FMN2: variants seen among roughly 807,000 people sequenced by gnomAD.
FMN2 encodes formin-2.
A neutral mutation model predicts 142.3 loss-of-function variants in FMN2; 51 were observed. That is an observed-to-expected ratio of 0.36 (90% CI 0.29 to 0.45). The LOEUF is 0.45. Ranked by LOEUF, FMN2 falls within the 20% of genes least tolerant of loss-of-function variation. The probability of loss-of-function intolerance (pLI) is 1.00; values close to 1 mark genes in which losing one functional copy is unlikely to be tolerated. For synonymous variants in FMN2, 882 were observed against 869.8 expected (o/e 1.01, Z -0.25); for missense variants, 1,936 against 2,122.8 (o/e 0.91, Z 1.73).
chr1:240,474,390 A>G lies in FMN2; in HGVS notation c.*236A>G. The G allele has an allele frequency of 2.2e-6, 1 of 452,076 alleles. No homozygotes were observed. The highest frequency in any genetic ancestry group is 3.9e-6 in the Non-Finnish European group (1 of 257,528). The allele number at this position is 452,076 out of a possible 1,614,324, so 28.0% of individuals were successfully genotyped here. Reference sequence around the variant, plus strand: ...ACACCTTTTCTTTTTGTAAAAGTTTATGGTATTATACCGATAGACCAAAAC... The same window carrying G: ...ACACCTTTTCTTTTTGTAAAAGTTTGTGGTATTATACCGATAGACCAAAAC... On this transcript the variant is annotated 3_prime_UTR_variant, in exon 18 of 18. Transcript: ENST00000319653.
intron 7 of FMN2, among the ~76,000 whole-genome samples, chr1:240,291,078 T>C (rs1036959987): frequency 1.2e-4 from 19 of 152,140 alleles, no homozygotes; most frequent in African/African-American, 4.6e-4. Context: ...CCTCCCAGAG[T>C]GCTGGAATTA....
At chr1:240,461,597 T>G (rs1409233437) in intron 16 of FMN2, among the ~76,000 whole-genome samples, 1 of 152,212 alleles carries the variant, frequency 6.6e-6, no homozygotes, top group Non-Finnish European at 1.5e-5. Context: ...TCAAATCTAC[T>G]TTCCACTGTA....
intron 16 of FMN2, among the ~76,000 whole-genome samples, chr1:240,456,113 G>A (rs1444267548): frequency 6.6e-6 from 1 of 151,928 alleles, no homozygotes; most frequent in Non-Finnish European, 1.5e-5. Flanking sequence ...TCTCTAACAG[G>A]AATAATGGAG....
chr1:240,388,902 C>T (rs1009769708), intron 14 of FMN2, among the ~76,000 whole-genome samples: 2 of 149,638 alleles, frequency 1.3e-5, no homozygotes, highest in African/African-American at 4.9e-5. Flanking sequence ...CATTGCTGGG[C>T]GACAGTAGCA....
chr1:240,473,874 C>G lies in FMN2; in HGVS notation c.5143-254C>G, dbSNP rs903836404. On this transcript the variant is annotated intron_variant, in intron 17 of 17. Coordinates refer to ENST00000319653, the MANE Select transcript of FMN2 (RefSeq NM_020066.5). The surrounding 1 kb of genome is among the most constrained non-coding windows in gnomAD (Gnocchi z 4.3). ...ATGAGAATGGAGAGTTTGACACCCT[C>G]TCATATTGGTTAGAAGTTAAATTTT... is the stretch of plus-strand genomic sequence containing the variant. 5.3e-5 allele frequency among the ~76,000 whole-genome samples: 8 copies of G among 152,162 alleles called. No homozygotes were observed. Among genetic ancestry groups the G allele is most frequent in the African/African-American group, 1.9e-4 (8 of 41,540 alleles).
intron 13 of FMN2, among the ~76,000 whole-genome samples, chr1:240,345,694 G>T (rs1313421290): frequency 1.3e-5 from 2 of 152,030 alleles, no homozygotes; most frequent in African/African-American, 4.8e-5. Context: ...TGTTGGCCAG[G>T]CTGGACTCGA....
chr1:240,101,709 AT>A (rs776711940), intron 1 of FMN2, among the ~76,000 whole-genome samples: 576 of 137,816 alleles, frequency 4.2e-3, no homozygotes, highest in Middle Eastern at 7.6e-3. Context: ...TGCCTGGCTA[AT>A]TTTTTTTTTT....
chr1:240,313,569 AG>A (rs1670664967), intron 8 of FMN2, among the ~76,000 whole-genome samples: 1 of 152,154 alleles, frequency 6.6e-6, no homozygotes, highest in African/African-American at 2.4e-5. Context: ...AATTTGAAGT[AG>A]AGTTTTTCTT....
At chr1:240,430,103 G>A (rs1182926884) in intron 15 of FMN2, among the ~76,000 whole-genome samples, 4 of 151,870 alleles carry the variant, frequency 2.6e-5, no homozygotes, top group African/African-American at 4.8e-5. Context: ...AGTCAGGATG[G>A]TCTGGATCTC....
chr1:240,267,635 A>G (rs2102914021), intron 7 of FMN2, among the ~76,000 whole-genome samples: 1 of 59,208 alleles, frequency 1.7e-5, no homozygotes, highest in Non-Finnish European at 3.8e-5. Flanking sequence ...CTGAACTTAA[A>G]AAAAAAAAAA....
chr1:240,170,063 T>G, intron 2 of FMN2: 1 of 584,912 alleles, frequency 1.7e-6, no homozygotes, highest in Non-Finnish European at 3.0e-6. Context: ...TACTCACAGA[T>G]AAGCCAATCA....
chr1:240,323,864 AG>A (rs886761344), intron 8 of FMN2, among the ~76,000 whole-genome samples: 3 of 152,028 alleles, frequency 2.0e-5, no homozygotes, highest in African/African-American at 7.2e-5. Context: ...CTTCCTCCTC[AG>A]GGTTCTCTTC....
intron 16 of FMN2, among the ~76,000 whole-genome samples, chr1:240,459,727 A>T (rs926646419): frequency 0.018 from 976 of 54,102 alleles, 35 homozygotes; most frequent in Non-Finnish European, 0.026. Flanking sequence ...TAAAAAAAAA[A>T]AAAAAAAAAA....
At chr1:240,328,934 CTA>C (rs1491323830) in intron 8 of FMN2, 140 bp from the exon 9 acceptor site, 1 of 738,332 alleles carries the variant, frequency 1.4e-6, no homozygotes, top group African/African-American at 1.8e-5. Context: ...TCAAGCTTTA[CTA>C]TATACAGATG....
chr1:240,347,251 G>C (rs1404137265), intron 13 of FMN2, among the ~76,000 whole-genome samples: 6 of 152,192 alleles, frequency 3.9e-5, no homozygotes. Flanking sequence ...CGTACGGCCA[G>C]GGGAATAAAG....
intron 15 of FMN2, among the ~76,000 whole-genome samples, chr1:240,419,967 G>C (rs12076010): frequency 0.014 from 2,147 of 152,186 alleles, 56 homozygotes; most frequent in African/African-American, 0.05. Context: ...TCCACAATCC[G>C]CTGAGAGTCA....
intron 14 of FMN2, among the ~76,000 whole-genome samples, chr1:240,367,227 T>C (rs1285875968): frequency 3.3e-5 from 5 of 152,220 alleles, no homozygotes; most frequent in Non-Finnish European, 7.3e-5. Context: ...TTTCCTTTTC[T>C]CTGTAATGCC....
At chr1:240,297,986 G>A (rs1670048720) in intron 8 of FMN2, among the ~76,000 whole-genome samples, 1 of 152,120 alleles carries the variant, frequency 6.6e-6, no homozygotes, top group Non-Finnish European at 1.5e-5. Context: ...TCTCATTCAA[G>A]AGGGCTCTGC....
At chr1:240,158,745 T>C (rs1257080811) in intron 2 of FMN2, among the ~76,000 whole-genome samples, 13 of 152,150 alleles carry the variant, frequency 8.5e-5, no homozygotes, top group Admixed American at 8.5e-4. Context: ...GAACCCCTAA[T>C]GCATCCCCTA....
Sources: gnomAD v4.1 joint callset for allele counts (sites outside exome capture counted in the v4.1 genomes callset) on GRCh38, gnomAD v4.1.1 for gene constraint, Gnocchi (gnomAD v3.1) non-coding constraint, MANE v1.5 for transcripts, NCBI Gene and HGNC (gene_info 2026-07-23, HGNC 2026-07-21) for gene names.